GRID2: variants seen among roughly 807,000 people sequenced by gnomAD.
The protein encoded by GRID2 is glutamate ionotropic receptor delta type subunit 2.
Under a neutral mutation model 114.8 loss-of-function variants are expected in GRID2, and 33 were observed. The observed-to-expected ratio is 0.29, with a 90% CI of 0.22 to 0.38. The LOEUF is 0.38. Among genes scored for constraint, GRID2 ranks in the 10% least tolerant of loss-of-function variants. The pLI, the probability that GRID2 is intolerant of heterozygous loss-of-function variation, is 1.00. For missense variants in GRID2, 1,184 were observed against 1,257.7 expected (o/e 0.94, Z 0.89); for synonymous variants, 505 against 449.9 (o/e 1.12, Z -1.55).
chr4:92,704,232 C>T (rs1734830734), intron 2 of GRID2, among the ~76,000 whole-genome samples: 1 of 152,064 alleles, frequency 6.6e-6, no homozygotes. Flanking sequence ...GAGCCGAGAT[C>T]GCGCCACTGC....
intron 14 of GRID2, among the ~76,000 whole-genome samples, chr4:93,706,515 T>C (rs1728010433): frequency 6.6e-6 from 1 of 152,186 alleles, no homozygotes; most frequent in Admixed American, 6.5e-5. Flanking sequence ...CTTTTTCAGA[T>C]TGTTCACTGT....
intron 13 of GRID2, among the ~76,000 whole-genome samples, chr4:93,559,874 A>G (rs1035388191): frequency 2.6e-5 from 4 of 152,176 alleles, no homozygotes; most frequent in African/African-American, 9.7e-5. Flanking sequence ...TGTGGCACAT[A>G]TGCACCATGG....
chr4:92,681,217 C>A (rs1254945045), intron 2 of GRID2, among the ~76,000 whole-genome samples: 1 of 152,130 alleles, frequency 6.6e-6, no homozygotes, highest in Non-Finnish European at 1.5e-5. Flanking sequence ...GGACAGGGAA[C>A]ACATCAGTGA....
At chr4:93,623,441 A>G (rs759390417) in intron 13 of GRID2, among the ~76,000 whole-genome samples, 36 of 152,096 alleles carry the variant, frequency 2.4e-4, no homozygotes, top group Non-Finnish European at 4.6e-4. Flanking sequence ...AGCTTCATCC[A>G]TGTCCCTGCA....
At chr4:93,080,189 T>C (rs959286601) in intron 2 of GRID2, among the ~76,000 whole-genome samples, 4 of 152,140 alleles carry the variant, frequency 2.6e-5, no homozygotes, top group Non-Finnish European at 5.9e-5. Flanking sequence ...CCTAGAAGTA[T>C]AAAAGCAAAT....
chr4:92,713,486 T>C (rs866470955), intron 2 of GRID2, among the ~76,000 whole-genome samples: 46 of 110,394 alleles, frequency 4.2e-4, no homozygotes, highest in Admixed American at 1.2e-3. Context: ...CATATATATA[T>C]ATATATATAT....
chr4:92,394,719 A>G (rs1345970568), intron 1 of GRID2, among the ~76,000 whole-genome samples: 1 of 151,994 alleles, frequency 6.6e-6, no homozygotes, highest in South Asian at 2.1e-4. Context: ...TTAGTTTTCT[A>G]TAATTATATG....
intron 2 of GRID2, among the ~76,000 whole-genome samples, chr4:93,020,219 T>C (rs773847527): frequency 8.5e-5 from 13 of 152,308 alleles, no homozygotes; most frequent in Non-Finnish European, 1.9e-4. Context: ...TTACAATTAG[T>C]ATCATGTCTT....
chr4:92,825,577 C>T (rs760647733), intron 2 of GRID2, among the ~76,000 whole-genome samples: 2 of 152,112 alleles, frequency 1.3e-5, no homozygotes, highest in Non-Finnish European at 2.9e-5. Context: ...TGTGACATGA[C>T]ACATAGCAAG....
chr4:92,531,283 G>A (rs2149151055), intron 1 of GRID2, among the ~76,000 whole-genome samples: 1 of 152,090 alleles, frequency 6.6e-6, no homozygotes, highest in African/African-American at 2.4e-5. Flanking sequence ...ATTTTAAGCA[G>A]ATTCATTTTA....
chr4:93,233,077 G>A (rs1746328571), intron 7 of GRID2, among the ~76,000 whole-genome samples: 1 of 152,064 alleles, frequency 6.6e-6, no homozygotes, highest in African/African-American at 2.4e-5. Context: ...GCCAAGAAAG[G>A]AAAATGAAGA....
At chr4:93,529,471 G>GACT (rs1241221825) in intron 13 of GRID2, among the ~76,000 whole-genome samples, 1 of 152,182 alleles carries the variant, frequency 6.6e-6, no homozygotes, top group Non-Finnish European at 1.5e-5. Context: ...GGAGAGACTA[G>GACT]AACATTGTAG....
intron 1 of GRID2, among the ~76,000 whole-genome samples, chr4:92,389,212 T>A (rs184141031): frequency 6.6e-6 from 1 of 152,184 alleles, no homozygotes; most frequent in Non-Finnish European, 1.5e-5. Context: ...GTATCTGAGA[T>A]CATTATATTG....
chr4:92,989,297 A>AT (rs1327916906), intron 2 of GRID2, among the ~76,000 whole-genome samples: 10,370 of 122,992 alleles, frequency 0.084, 416 homozygotes, highest in African/African-American at 0.097. Flanking sequence ...AAAAAAAAAA[A>AT]AAAAATAATA....
intron 14 of GRID2, among the ~76,000 whole-genome samples, chr4:93,706,732 A>G (rs977583747): frequency 6.6e-6 from 1 of 152,116 alleles, no homozygotes; most frequent in Non-Finnish European, 1.5e-5. Context: ...TTGCTCTAGC[A>G]AGGACTTCCA....
intron 13 of GRID2, 103 bp downstream of exon 13, chr4:93,515,514 T>C (rs1323695915): frequency 4.0e-6 from 3 of 745,476 alleles, no homozygotes; most frequent in Non-Finnish European, 6.7e-6. Flanking sequence ...TTGTTTTTTA[T>C]CTTTAATGCT....
chr4:93,627,075 C>T (rs1742796480), intron 14 of GRID2, among the ~76,000 whole-genome samples: 1 of 152,134 alleles, frequency 6.6e-6, no homozygotes, highest in Admixed American at 6.5e-5. Flanking sequence ...ATTAACAATG[C>T]ATATGAAAGA....
chr4:93,336,971 T>A (rs1759155502), intron 8 of GRID2, among the ~76,000 whole-genome samples: 1 of 147,078 alleles, frequency 6.8e-6, no homozygotes, highest in Admixed American at 6.7e-5. Context: ...ATCCAAAAAT[T>A]ATTGAAGCAA....
intron 1 of GRID2, among the ~76,000 whole-genome samples, chr4:92,548,231 G>T (rs1480338067): frequency 6.6e-6 from 1 of 151,946 alleles, no homozygotes; most frequent in Non-Finnish European, 1.5e-5. Flanking sequence ...AGGACAAGGT[G>T]TATGTCTTCC....
Sources: allele counts gnomAD v4.1 joint callset (sites outside exome capture counted in the v4.1 genomes callset), GRCh38; gene constraint gnomAD v4.1.1; transcripts MANE v1.5; gene names NCBI Gene and HGNC (gene_info 2026-07-23, HGNC 2026-07-21).